Variants in NOP58 observed in about 807,000 individuals in gnomAD.
The protein encoded by NOP58 is nucleolar protein 58.
In NOP58, 44 loss-of-function variants were observed where a neutral mutation model predicts 71.2. That is an observed-to-expected ratio of 0.62 (90% CI 0.49 to 0.79). The LOEUF is 0.79. NOP58 is among the 30% of genes least tolerant of loss of function. The pLI, the probability that NOP58 is intolerant of heterozygous loss-of-function variation, is 0.00. For synonymous variants in NOP58, 228 were observed against 200.3 expected (o/e 1.14, Z -1.17); for missense variants, 538 against 620.2 (o/e 0.87, Z 1.41).
At chr2:202,301,947 TAAA>T (rs996514423) in intron 13 of NOP58, among the ~76,000 whole-genome samples, 2 of 152,200 alleles carry the variant, frequency 1.3e-5, no homozygotes, top group East Asian at 1.9e-4. Context: ...GCCACTAAAA[TAAA>T]AAAGATTCAT....
Position 202,303,490 on chromosome 2 carries a change from C to G in NOP58, c.*54C>G. On this transcript the variant is annotated 3_prime_UTR_variant, in exon 15 of 15. Transcript: ENST00000264279. ...GACACACATCATGCTTAAGATTCAA[C>G]TGGGAGCATACCAGGGATGCTCTCT... The G allele has an allele frequency of 6.4e-7, 1 of 1,569,866 alleles. No homozygotes were observed.
chr2:202,292,953 G>GAA, intron 9 of NOP58, 50 bp downstream of exon 9: 1 of 1,604,020 alleles, frequency 6.2e-7, no homozygotes, highest in East Asian at 2.2e-5. Context: ...AGTATTTTCT[G>GAA]GTTAGGATTT....
At chr2:202,282,572 C>T (rs1379624511) in intron 4 of NOP58, 100 bp downstream of exon 4, 1 of 1,228,402 alleles carries the variant, frequency 8.1e-7, no homozygotes, top group South Asian at 1.7e-5. Context: ...CATAAATTCT[C>T]AATACATTTT....
chr2:202,279,595 G>T (rs1688667820), intron 3 of NOP58, among the ~76,000 whole-genome samples: 1 of 152,200 alleles, frequency 6.6e-6, no homozygotes, highest in South Asian at 2.1e-4. Context: ...GTCAGTTCAA[G>T]ATCAGCCTGG....
chr2:202,267,836 T>C (rs1688443310), intron 1 of NOP58, among the ~76,000 whole-genome samples: 1 of 152,206 alleles, frequency 6.6e-6, no homozygotes, highest in African/African-American at 2.4e-5. Flanking sequence ...ATGAAAAGTG[T>C]CCTCCTCCAT....
chr2:202,268,802 G>A (rs762099567), intron 1 of NOP58, among the ~76,000 whole-genome samples: 84 of 151,526 alleles, frequency 5.5e-4, no homozygotes, highest in Non-Finnish European at 1.0e-3. Flanking sequence ...GTAGTGACAG[G>A]GTTTCTCCAT....
At chr2:202,266,027 C>G in intron 1 of NOP58, 41 bp downstream of exon 1, 1 of 1,606,564 alleles carries the variant, frequency 6.2e-7, no homozygotes, top group Non-Finnish European at 8.5e-7. Flanking sequence ...AAGGCGGATG[C>G]TGGACAGACG....
chr2:202,269,121 G>A (rs1688473397), intron 1 of NOP58, among the ~76,000 whole-genome samples: 1 of 151,956 alleles, frequency 6.6e-6, no homozygotes, highest in African/African-American at 2.4e-5. Flanking sequence ...GAGTAGCTGG[G>A]ACTACAGGCT....
Position 202,292,884 on chromosome 2 carries a change from A to G in NOP58, c.888A>G (p.Ala296=). 6.2e-7 allele frequency: 1 copy of G among 1,614,162 alleles called. No individual in the cohort carries two copies. Among genetic ancestry groups the G allele is most frequent in the South Asian group, 1.1e-5 (1 of 91,088 alleles). The change falls in exon 9 of 15, where the codon GCA becomes GCG. Residue 296 remains alanine, a synonymous_variant. Transcript: ENST00000264279. ...TCATGGTTGGGGAATTAGTTGGAGC[A>G]CGGCTTATTGCTCATGCAGGTGATG... ...VTVMVGELVG[A]RLIAHAGSLL... is the part of the protein sequence containing the mutation.
intron 6 of NOP58, among the ~76,000 whole-genome samples, chr2:202,289,446 T>C: frequency 6.6e-6 from 1 of 152,232 alleles, no homozygotes; most frequent in South Asian, 2.1e-4. Context: ...TTTAAAATAT[T>C]GTGTAAAATT....
At chr2:202,297,574 A>G (rs1689015105) in intron 11 of NOP58, 61 bp downstream of exon 11, 1 of 1,495,456 alleles carries the variant, frequency 6.7e-7, no homozygotes, top group African/African-American at 1.4e-5. Context: ...TAAACTGAGT[A>G]AATTTATTAA....
At chr2:202,297,690 A>T (rs73990227) in intron 11 of NOP58, among the ~76,000 whole-genome samples, 155 bp from the exon 12 acceptor site, 5,455 of 152,308 alleles carry the variant, frequency 0.036, 334 homozygotes, top group African/African-American at 0.12. Context: ...GATGTATCCA[A>T]CTGCATTTGC....
intron 3 of NOP58, among the ~76,000 whole-genome samples, chr2:202,281,729 AG>A (rs1468075040): frequency 6.6e-6 from 1 of 152,178 alleles, no homozygotes; most frequent in Admixed American, 6.5e-5. Context: ...ATTTCAGAAG[AG>A]GTATTAGTTC....
chr2:202,265,770 C>G lies in NOP58; in HGVS notation c.-172C>G. On this transcript the variant is annotated 5_prime_UTR_variant, in exon 1 of 15. Transcript: ENST00000264279. ...GTAGCGCGTTCGTGCGTCCTAGTTCCAGTACAGCGTGGAGGGTTTAGGCAG... is the reference window on the plus strand; with the variant it reads ...GTAGCGCGTTCGTGCGTCCTAGTTCGAGTACAGCGTGGAGGGTTTAGGCAG... 1 of 653,002 alleles carries G rather than the reference C, an allele frequency of 1.5e-6. No homozygotes were observed. The highest frequency in any genetic ancestry group is 1.8e-5 in the South Asian group (1 of 55,714). The allele number at this position is 653,002 out of a possible 1,614,324, so 40.5% of individuals were successfully genotyped here.
rs1448312518 is a variant in NOP58, at chr2:202,302,920, G to A, written c.1403-1G>A. ...TGTGCCTTTACACTTACCCTATTCAGTTGAAGAAGAGGAAGAAGAAAAAGT... is the reference window on the plus strand; with the variant it reads ...TGTGCCTTTACACTTACCCTATTCAATTGAAGAAGAGGAAGAAGAAAAAGT... On this transcript the variant is annotated splice_acceptor_variant, in intron 13 of 14. Coordinates refer to ENST00000264279, the MANE Select transcript of NOP58 (RefSeq NM_015934.5). LOFTEE classifies it high-confidence loss of function. 3 of 1,601,756 alleles carry A rather than the reference G, an allele frequency of 1.9e-6. No homozygotes were observed. The highest frequency in any genetic ancestry group is 1.1e-5 in the South Asian group (1 of 90,924).
intron 1 of NOP58, among the ~76,000 whole-genome samples, chr2:202,266,579 G>C (rs1051763545): frequency 2.0e-5 from 3 of 152,240 alleles, no homozygotes; most frequent in African/African-American, 4.8e-5. Flanking sequence ...GCCTCCCAAA[G>C]TGCTGGGATT....
At chr2:202,292,119 G>C (rs1183251804) in intron 8 of NOP58, among the ~76,000 whole-genome samples, 1 of 150,030 alleles carries the variant, frequency 6.7e-6, no homozygotes, top group Non-Finnish European at 1.5e-5. Context: ...TCAGCCTCCC[G>C]AGTAGCTGGG....
intron 6 of NOP58, among the ~76,000 whole-genome samples, chr2:202,288,677 T>C (rs1393638799): frequency 2.6e-5 from 4 of 151,482 alleles, no homozygotes; most frequent in African/African-American, 9.7e-5. Flanking sequence ...TATCTGAGCA[T>C]GATGGTAGGC....
At position 202,277,995 on chromosome 2, in the gene NOP58, AT is replaced by A; in HGVS notation, c.170del (p.Leu57Ter). 1 of 1,549,108 alleles carries A rather than the reference AT, an allele frequency of 6.5e-7. No homozygotes were observed. Among genetic ancestry groups the A allele is most frequent in the Non-Finnish European group, 8.9e-7 (1 of 1,128,330 alleles). On this transcript the variant is annotated frameshift_variant, in exon 3 of 15. Transcript: ENST00000264279. LOFTEE classifies it high-confidence loss of function. Reference sequence around the variant, plus strand: ...AGAAATTTCAGGATACAGCAGAAGCATTAGCAGGTAAAGTAAAAAATTAGAA... The same window carrying A: ...AGAAATTTCAGGATACAGCAGAAGCATAGCAGGTAAAGTAAAAAATTAGAA... ...FEKFQDTAEA[L>X]AAFTALMEGK...
Sources: allele counts gnomAD v4.1 joint callset (sites outside exome capture counted in the v4.1 genomes callset), GRCh38; gene constraint gnomAD v4.1.1; transcripts MANE v1.5; gene names NCBI Gene and HGNC (gene_info 2026-07-23, HGNC 2026-07-21).